MAP2: variants seen among roughly 807,000 people sequenced by gnomAD.
The protein encoded by MAP2 is microtubule-associated protein 2.
In MAP2, 14 loss-of-function variants were observed where a neutral mutation model predicts 137.6. The observed-to-expected ratio is 0.10, with a 90% CI of 0.07 to 0.16. MAP2 has a LOEUF of 0.16. Among genes scored for constraint, MAP2 ranks in the 10% least tolerant of loss-of-function variants. The probability of loss-of-function intolerance (pLI) is 1.00; values close to 1 mark genes in which losing one functional copy is unlikely to be tolerated. For missense variants in MAP2, 2,088 were observed against 2,191.5 expected, an observed-to-expected ratio of 0.95 and a Z score of 0.94; for synonymous variants, 786 against 782.3, an observed-to-expected ratio of 1.00 and a Z score of -0.08.
At chr2:209,448,249 C>G (rs1449974353) in intron 1 of MAP2, among the ~76,000 whole-genome samples, 2 of 152,078 alleles carry the variant, frequency 1.3e-5, no homozygotes, top group Non-Finnish European at 2.9e-5. Context: ...TAAAATTGCT[C>G]TCATATAATC....
intron 3 of MAP2, among the ~76,000 whole-genome samples, chr2:209,613,332 CTGTT>C (rs1416454480): frequency 6.6e-6 from 1 of 151,860 alleles, no homozygotes; most frequent in African/African-American, 2.4e-5. Context: ...GAATGGCTCT[CTGTT>C]TGGAATTAAC....
chr2:209,545,710 A>T (rs1312935506), intron 2 of MAP2, among the ~76,000 whole-genome samples: 1 of 152,244 alleles, frequency 6.6e-6, no homozygotes, highest in East Asian at 1.9e-4. Context: ...TTATTTTTAA[A>T]AAAGAAGTTC....
At chr2:209,621,446 AG>A (rs2091169884) in intron 3 of MAP2, among the ~76,000 whole-genome samples, 1 of 151,168 alleles carries the variant, frequency 6.6e-6, no homozygotes, top group South Asian at 2.1e-4. Flanking sequence ...TTTAATAGAG[AG>A]GGGGTTTTGC....
In MAP2 at chr2:209,659,337, T is replaced by C. The variant is rs1010674799; in HGVS notation, c.262+5905T>C. On this transcript the variant is annotated intron_variant, in intron 5 of 15. Coordinates refer to ENST00000682079, the MANE Select transcript of MAP2 (RefSeq NM_001375505.1). ...AAAATCGTGGTGAAATTAGCTACTT[T>C]TCTATCACAGTTGTGGATGATGTGA... Among the ~76,000 whole-genome samples, 5 of 152,208 alleles carry C rather than the reference T, an allele frequency of 3.3e-5. No individual in the cohort carries two copies. The East Asian group carries it at 9.6e-4, about 29-fold the overall frequency.
chr2:209,630,726 G>C (rs1400991576), intron 4 of MAP2, among the ~76,000 whole-genome samples: 3 of 151,930 alleles, frequency 2.0e-5, no homozygotes, highest in East Asian at 3.9e-4. Flanking sequence ...CAGCCTCCAA[G>C]GGAAAGACAA....
chr2:209,477,539 T>C (rs188429567), intron 1 of MAP2, among the ~76,000 whole-genome samples: 10 of 152,278 alleles, frequency 6.6e-5, no homozygotes, highest in Admixed American at 6.5e-4. Context: ...TAAAGAACAT[T>C]AGGCTATTCT....
chr2:209,454,199 A>G (rs1177340033), intron 1 of MAP2, among the ~76,000 whole-genome samples: 1 of 151,390 alleles, frequency 6.6e-6, no homozygotes, highest in Non-Finnish European at 1.5e-5. Flanking sequence ...TTTTAATGCA[A>G]TTAGCTCAGC....
At chr2:209,661,992 T>C (rs2043854435) in intron 5 of MAP2, among the ~76,000 whole-genome samples, 1 of 152,230 alleles carries the variant, frequency 6.6e-6, no homozygotes, top group African/African-American at 2.4e-5. Context: ...TAAAAATCTG[T>C]CTTTGCTCTG....
Position 209,729,851 on chromosome 2 carries a change from T to G in MAP2, c.5157T>G (p.Gly1719=). The change falls in exon 15 of 16, where the codon GGT becomes GGG. Residue 1719 remains glycine, a splice_region_variant and synonymous_variant. Transcript: ENST00000682079. ...GSLKNIRHRP[G]GGRVKIESVK... is the part of the protein sequence containing the mutation. ...ATCAAGGTATTTCTTCCCTCATAGG[T>G]GGCGGACGTGTGAAAATTGAGAGTG... The G allele has an allele frequency of 1.2e-6, 2 of 1,602,340 alleles. No homozygotes were observed. Among genetic ancestry groups the G allele is most frequent in the Non-Finnish European group, 1.7e-6 (2 of 1,169,926 alleles).
At chr2:209,544,198 A>C (rs896141542) in intron 2 of MAP2, among the ~76,000 whole-genome samples, 13 of 151,658 alleles carry the variant, frequency 8.6e-5, no homozygotes, top group African/African-American at 2.7e-4. Context: ...ACACCACTGC[A>C]CTCCAGCCTG....
At chr2:209,559,632 T>C (rs945251168) in intron 2 of MAP2, among the ~76,000 whole-genome samples, 1 of 151,954 alleles carries the variant, frequency 6.6e-6, no homozygotes, top group African/African-American at 2.4e-5. Context: ...GCCTGGATGA[T>C]AGAGAAAGAC....
chr2:209,442,072 A>C (rs889585172), intron 1 of MAP2, among the ~76,000 whole-genome samples: 1 of 151,596 alleles, frequency 6.6e-6, no homozygotes, highest in African/African-American at 2.4e-5. Flanking sequence ...GGATTTTCAC[A>C]AATAAATTAG....
At position 209,695,737 on chromosome 2, in the gene MAP2, A is replaced by T. The variant is rs1392547835; in HGVS notation, c.3567A>T (p.Arg1189Ser). 1 of 1,614,048 alleles carries T rather than the reference A, an allele frequency of 6.2e-7. No homozygotes were observed. Among genetic ancestry groups the T allele is most frequent in the East Asian group, 2.2e-5 (1 of 44,874 alleles). ...AGGCTGATTTAGCCACAGATGAGAG[A>T]GCTGATGTCCAGATGGAATTTATTC... Reference protein sequence around the residue: ...VSEADLATDERADVQMEFIQG... With the variant: ...VSEADLATDESADVQMEFIQG... Residue 1189 changes from arginine (R) to serine (S), a missense_variant, in exon 8 of 16, where the codon AGA (arginine) becomes AGT (serine). Arg to Ser is a moderately radical substitution (Grantham distance 110, BLOSUM62 -1). Around this residue, in one of 6 missense-constraint regions of MAP2, gnomAD observed 591 missense variants for 642.6 expected, o/e 0.92. Coordinates refer to ENST00000682079, the MANE Select transcript of MAP2 (RefSeq NM_001375505.1).
intron 13 of MAP2, among the ~76,000 whole-genome samples, chr2:209,717,566 A>G: frequency 6.6e-6 from 1 of 152,208 alleles, no homozygotes; most frequent in Middle Eastern, 3.2e-3. Flanking sequence ...GCAACTAATA[A>G]ATTATAGTGA....
rs567140442 is a variant in MAP2 at position 209,695,408 on chromosome 2, C to G, written c.3238C>G (p.Pro1080Ala). ...LKLEATQDMTPSSKAPQEADA... is the reference protein window; with the variant it reads ...LKLEATQDMTASSKAPQEADA... ...ACTTGAGGCTACACAGGACATGACC[C>G]CCTCATCCAAAGCACCGCAGGAGGC... Residue 1080 changes from proline (P) to alanine (A), a missense_variant, in exon 8 of 16, where the codon CCC becomes GCC. By Grantham distance (27) the Pro-to-Ala change is conservative. This residue lies in a region of MAP2 where 500 missense variants were observed against 482.9 expected (regional missense o/e 1.04). Transcript: ENST00000682079. The G allele has an allele frequency of 6.2e-7, 1 of 1,613,036 alleles. No individual in the cohort carries two copies. The highest frequency in any genetic ancestry group is 2.2e-5 in the East Asian group (1 of 44,864).
chr2:209,524,186 G>A (rs186287488), intron 2 of MAP2, among the ~76,000 whole-genome samples: 1 of 152,226 alleles, frequency 6.6e-6, no homozygotes, highest in East Asian at 1.9e-4. Flanking sequence ...GCTCAGTGAT[G>A]CATAAAGGCA....
intron 7 of MAP2, among the ~76,000 whole-genome samples, chr2:209,688,794 G>T (rs1171852833): frequency 6.6e-6 from 1 of 152,152 alleles, no homozygotes; most frequent in Non-Finnish European, 1.5e-5. Context: ...TTCCAAAAGG[G>T]ACAATATTTA....
intron 5 of MAP2, among the ~76,000 whole-genome samples, chr2:209,659,253 A>AT (rs531048560): frequency 2.8e-4 from 42 of 151,522 alleles, no homozygotes; most frequent in African/African-American, 6.3e-4. Context: ...AGATGAGTGT[A>AT]TTTTTTTTTC....
At chr2:209,434,526 A>T (rs1474238867) in intron 1 of MAP2, among the ~76,000 whole-genome samples, 1 of 151,840 alleles carries the variant, frequency 6.6e-6, no homozygotes, top group Non-Finnish European at 1.5e-5. Context: ...AGGATCTTCC[A>T]GACTTGCAGT....
Sources: allele counts gnomAD v4.1 joint callset (sites outside exome capture counted in the v4.1 genomes callset), GRCh38; gene constraint gnomAD v4.1.1; regional missense constraint gnomAD v4.1.1; transcripts MANE v1.5; gene names NCBI Gene and HGNC (gene_info 2026-07-23, HGNC 2026-07-21).